The following MAST4 variants were observed in gnomAD, a reference collection of about 807,000 sequenced individuals.
The protein encoded by MAST4 is microtubule associated serine/threonine kinase family member 4.
Under a neutral mutation model 162.7 loss-of-function variants are expected in MAST4, and 89 were observed. The ratio of observed to expected loss-of-function variants is 0.55; its 90% CI spans 0.46 to 0.65. The LOEUF is 0.65. MAST4 is among the 30% of genes least tolerant of loss of function. MAST4 has a pLI of 0.00. For synonymous variants in MAST4, 1,479 were observed against 1,361.1 expected, an observed-to-expected ratio of 1.09 and a Z score of -1.91; for missense variants, 3,153 against 3,374.0, an observed-to-expected ratio of 0.93 and a Z score of 1.62.
At chr5:66,707,868 A>C (rs1332331367) in intron 1 of MAST4, among the ~76,000 whole-genome samples, 1 of 152,156 alleles carries the variant, frequency 6.6e-6, no homozygotes, top group Non-Finnish European at 1.5e-5. Context: ...TACACCCTGG[A>C]ACCCAGGTTG....
At chr5:66,842,321 G>T (rs954756530) in intron 3 of MAST4, among the ~76,000 whole-genome samples, 5 of 152,138 alleles carry the variant, frequency 3.3e-5, no homozygotes, top group African/African-American at 1.2e-4. Flanking sequence ...AGCAGAGAAG[G>T]CATCTAAAAT....
At chr5:67,049,023 G>GGA (rs1757756368) in intron 4 of MAST4, among the ~76,000 whole-genome samples, 1 of 85,666 alleles carries the variant, frequency 1.2e-5, no homozygotes, top group Non-Finnish European at 2.3e-5. Context: ...ATATATATAC[G>GGA]TATATATATA....
chr5:67,137,294 A>G (rs1013316300), intron 19 of MAST4, among the ~76,000 whole-genome samples: 1 of 152,164 alleles, frequency 6.6e-6, no homozygotes, highest in African/African-American at 2.4e-5. Flanking sequence ...TTCTGCCAGT[A>G]TTTTATTCCC....
At chr5:66,895,228 A>G (rs1762605560) in intron 3 of MAST4, among the ~76,000 whole-genome samples, 1 of 152,198 alleles carries the variant, frequency 6.6e-6, no homozygotes, top group Non-Finnish European at 1.5e-5. Flanking sequence ...GCTGCTGGGT[A>G]TAGCAACAGG....
rs776693658 is a variant in MAST4, at chr5:67,165,717, C to A, written c.6538C>A (p.Pro2180Thr). Residue 2180 changes from proline (P) to threonine (T), a missense_variant, in exon 29 of 29, where the codon CCC becomes ACC. By Grantham distance (38) the Pro-to-Thr change is conservative. Around this residue, in one of 7 missense-constraint regions of MAST4, gnomAD observed 1,644 missense variants for 1,495.0 expected, o/e 1.10. Coordinates refer to ENST00000403625, the MANE Select transcript of MAST4 (RefSeq NM_001164664.2). ...AEPSSSPQDPPKPVAAHSESS... is the reference protein window; with the variant it reads ...AEPSSSPQDPTKPVAAHSESS... ...GCCCAGCTCGAGCCCCCAGGACCCT[C>A]CCAAGCCTGTTGCTGCGCACAGTGA... The A allele has an allele frequency of 6.3e-7, 1 of 1,576,522 alleles. No homozygotes were observed. The highest frequency in any genetic ancestry group is 8.6e-7 in the Non-Finnish European group (1 of 1,162,326).
At chr5:66,671,645 G>T (rs1010537631) in intron 1 of MAST4, among the ~76,000 whole-genome samples, 6 of 152,144 alleles carry the variant, frequency 3.9e-5, no homozygotes, top group Non-Finnish European at 8.8e-5. Context: ...TATGGTTTTG[G>T]AGAGAATAAT....
intron 3 of MAST4, among the ~76,000 whole-genome samples, chr5:66,814,887 T>C (rs1756646377): frequency 6.6e-6 from 1 of 152,194 alleles, no homozygotes; most frequent in Non-Finnish European, 1.5e-5. Context: ...AGATCACTGC[T>C]GCAAGTAAGA....
At chr5:66,745,237 CT>C (rs1218449032) in intron 1 of MAST4, among the ~76,000 whole-genome samples, 2 of 152,118 alleles carry the variant, frequency 1.3e-5, no homozygotes, top group Admixed American at 1.3e-4. Context: ...TTTTCTGATC[CT>C]TTTGGGTGGT....
At position 66,834,965 on chromosome 5, in the gene MAST4, G is replaced by A. The variant is rs13172083; in HGVS notation, c.642+46171G>A. On this transcript the variant is annotated intron_variant, in intron 3 of 28. Coordinates refer to ENST00000403625, the MANE Select transcript of MAST4 (RefSeq NM_001164664.2). Reference sequence around the variant, plus strand: ...GTGATGTGTGAGAGGAATAGCCCAGGAGACCTCTTACCATTTATCTCCTGG... The same window carrying A: ...GTGATGTGTGAGAGGAATAGCCCAGAAGACCTCTTACCATTTATCTCCTGG... 9.0e-3 allele frequency among the ~76,000 whole-genome samples: 1,365 copies of A among 152,216 alleles called. 22 individuals are homozygous for A. The highest frequency in any genetic ancestry group is 0.081 in the South Asian group (391 of 4,812).
At chr5:67,109,920 C>T (rs1766028106) in intron 10 of MAST4, among the ~76,000 whole-genome samples, 178 bp from the exon 11 acceptor site, 2 of 152,136 alleles carry the variant, frequency 1.3e-5, no homozygotes, top group East Asian at 1.9e-4. Context: ...TAGATATAGG[C>T]GTTTAATAGT....
chr5:66,774,601 T>C (rs550148242), intron 2 of MAST4, among the ~76,000 whole-genome samples: 138 of 152,360 alleles, frequency 9.1e-4, no homozygotes, highest in African/African-American at 3.2e-3. Context: ...TTTTAATTTT[T>C]ATTATTTGTG....
At chr5:66,730,751 C>CTGTG (rs70987138) in intron 1 of MAST4, among the ~76,000 whole-genome samples, 34,664 of 149,102 alleles carry the variant, frequency 0.23, 4,348 homozygotes, top group East Asian at 0.34. Context: ...CCTACCTACT[C>CTGTG]TGTGTGTGTG....
chr5:67,070,375 A>G (rs1760807476), intron 5 of MAST4, among the ~76,000 whole-genome samples: 1 of 152,110 alleles, frequency 6.6e-6, no homozygotes. Flanking sequence ...AAAATGAGGG[A>G]TGTTCATTTC....
chr5:66,876,708 C>T (rs1460510976), intron 3 of MAST4, among the ~76,000 whole-genome samples: 2 of 152,182 alleles, frequency 1.3e-5, no homozygotes, highest in African/African-American at 2.4e-5. Flanking sequence ...TATGACCCAG[C>T]GGCCTCAATC....
At chr5:67,065,490 C>T (rs188782259) in intron 5 of MAST4, among the ~76,000 whole-genome samples, 1 of 152,280 alleles carries the variant, frequency 6.6e-6, no homozygotes, top group Non-Finnish European at 1.5e-5. Context: ...AACTGTTCCA[C>T]AGAGACAAAA....
chr5:66,643,022 G>C (rs1745587087), intron 1 of MAST4, among the ~76,000 whole-genome samples: 1 of 152,096 alleles, frequency 6.6e-6, no homozygotes, highest in Non-Finnish European at 1.5e-5. Context: ...TTCAGAACAT[G>C]GACCGTTTAA....
intron 1 of MAST4, among the ~76,000 whole-genome samples, chr5:66,633,077 C>G (rs1744889591): frequency 6.6e-6 from 1 of 152,132 alleles, no homozygotes; most frequent in African/African-American, 2.4e-5. Context: ...AAATGCACCA[C>G]CTTTCTTCTG....
intron 4 of MAST4, among the ~76,000 whole-genome samples, chr5:67,047,394 G>C (rs1474380083): frequency 6.6e-6 from 1 of 152,154 alleles, no homozygotes; most frequent in Non-Finnish European, 1.5e-5. Flanking sequence ...GCTGCTCCTA[G>C]AACACTCTGG....
intron 4 of MAST4, among the ~76,000 whole-genome samples, chr5:66,911,558 A>AACCC (rs1763766562): frequency 1.1e-4 from 2 of 18,068 alleles, no homozygotes; most frequent in African/African-American, 3.2e-4. Flanking sequence ...AACAACAACA[A>AACCC]CCCCCCCCCC....
Sources: allele counts gnomAD v4.1 joint callset (sites outside exome capture counted in the v4.1 genomes callset), GRCh38; gene constraint gnomAD v4.1.1; regional missense constraint gnomAD v4.1.1; transcripts MANE v1.5; gene names NCBI Gene and HGNC (gene_info 2026-07-23, HGNC 2026-07-21).